The following TBL1X variants were observed in gnomAD, a reference collection of about 807,000 sequenced individuals.
TBL1X encodes F-box-like/WD repeat-containing protein TBL1X.
Under a neutral mutation model 50.7 loss-of-function variants are expected in TBL1X, and 10 were observed. That is an observed-to-expected ratio of 0.20 (90% CI 0.12 to 0.33). TBL1X has a LOEUF of 0.33. Ranked by LOEUF, TBL1X falls within the 10% of genes least tolerant of loss-of-function variation. TBL1X has a pLI of 1.00. For synonymous variants in TBL1X, 190 were observed against 214.7 expected (o/e 0.88, Z 1.01); for missense variants, 340 against 504.4 (o/e 0.67, Z 3.12).
At chrX:9,588,800 AC>A (rs995879919) in intron 2 of TBL1X, among the ~76,000 whole-genome samples, 2 of 110,174 alleles carry the variant, frequency 1.8e-5, no homozygotes, top group African/African-American at 3.3e-5. Flanking sequence ...ACTGGGTTTT[AC>A]CATGTTGGCC....
intron 2 of TBL1X, among the ~76,000 whole-genome samples, chrX:9,553,675 G>A (rs1264558160): frequency 1.8e-5 from 2 of 111,804 alleles, no homozygotes; most frequent in African/African-American, 6.5e-5. Context: ...TTTGTTAGCT[G>A]TTTATTATTT....
intron 1 of TBL1X, among the ~76,000 whole-genome samples, chrX:9,500,646 T>C (rs1016763374): frequency 4.5e-5 from 5 of 111,484 alleles, no homozygotes; most frequent in African/African-American, 1.6e-4. Context: ...CCTACCCAAT[T>C]GTGGTGGGTG....
intron 13 of TBL1X, among the ~76,000 whole-genome samples, chrX:9,708,750 C>T (rs1360107394): frequency 1.9e-5 from 2 of 107,306 alleles, no homozygotes; most frequent in African/African-American, 3.4e-5. Flanking sequence ...TGCCTGTAGT[C>T]CCAGCTACTT....
chrX:9,538,980 C>T (rs906308031), intron 2 of TBL1X, among the ~76,000 whole-genome samples: 1 of 112,462 alleles, frequency 8.9e-6, no homozygotes, highest in African/African-American at 3.2e-5. Flanking sequence ...CTGCTGGGAA[C>T]GTGGCACTCA....
chrX:9,591,223 A>G (rs2285575), intron 2 of TBL1X, among the ~76,000 whole-genome samples: 57,371 of 110,200 alleles, frequency 0.52, 11,752 homozygotes, highest in African/African-American at 0.77. Flanking sequence ...CCAGAGGATG[A>G]AGTATCATTC....
Position 9,654,251 on chromosome X carries a change from G to A in TBL1X, c.140G>A (p.Arg47Gln). 1 of 1,210,681 alleles carries A rather than the reference G, an allele frequency of 8.3e-7. No individual in the cohort carries two copies. The highest frequency in any genetic ancestry group is 3.0e-5 in the East Asian group (1 of 33,815). The change falls in exon 5 of 18, where the codon CGA becomes CAA. Residue 47 changes from arginine to glutamine, a missense_variant. Transcript: ENST00000645353. ...CACTTCATCAACACCTCATCGCCGC[G>A]AGGTGAGGCTAAGATGAGCATAACC... Reference protein sequence around the residue: ...GSHFINTSSPRGEAKMSITSD... With the variant: ...GSHFINTSSPQGEAKMSITSD...
At chrX:9,493,944 T>C (rs1252425735) in intron 1 of TBL1X, among the ~76,000 whole-genome samples, 1 of 111,642 alleles carries the variant, frequency 9.0e-6, no homozygotes, top group African/African-American at 3.3e-5. Flanking sequence ...CAGGAAAATA[T>C]AGGAATTGTC....
At chrX:9,617,499 GTTAA>G (rs1303299298) in intron 2 of TBL1X, among the ~76,000 whole-genome samples, 3 of 112,378 alleles carry the variant, frequency 2.7e-5, no homozygotes, top group Admixed American at 1.9e-4. Flanking sequence ...TACTGCACCT[GTTAA>G]TTAATATAAC....
Position 9,654,209 on chromosome X carries a change from G to A in TBL1X, c.104-6G>A. The stretch of plus-strand genomic sequence containing the variant: ...TGTTTCAAAACTCTCTTCTCTTTTT[G>A]AACAGAGGGTGGTTCCCACTTCATC... On this transcript the variant is annotated splice_polypyrimidine_tract_variant and splice_region_variant and intron_variant, in intron 4 of 17. Transcript: ENST00000645353. The A allele has an allele frequency of 8.3e-7, 1 of 1,200,515 alleles. No homozygotes were observed. Among genetic ancestry groups the A allele is most frequent in the Non-Finnish European group, 1.1e-6 (1 of 889,812 alleles).
intron 1 of TBL1X, among the ~76,000 whole-genome samples, chrX:9,496,478 G>A (rs920425371): frequency 5.3e-5 from 6 of 112,720 alleles, no homozygotes; most frequent in Admixed American, 2.8e-4. Flanking sequence ...CCAAACTTTT[G>A]ACTTCAGTTG....
At chrX:9,524,258 G>C (rs2082121744) in intron 2 of TBL1X, among the ~76,000 whole-genome samples, 1 of 112,034 alleles carries the variant, frequency 8.9e-6, no homozygotes, top group South Asian at 3.7e-4. Context: ...GTGAGCCAGT[G>C]TGCCCGGCCT....
At chrX:9,588,061 C>T (rs1281035351) in intron 2 of TBL1X, among the ~76,000 whole-genome samples, 2 of 111,577 alleles carry the variant, frequency 1.8e-5, no homozygotes, top group African/African-American at 3.3e-5. Context: ...TTCAACCAAC[C>T]GTGGATTGAA....
intron 11 of TBL1X, among the ~76,000 whole-genome samples, chrX:9,694,500 G>A (rs1019014251): frequency 1.1e-4 from 12 of 111,282 alleles, no homozygotes; most frequent in Admixed American, 6.7e-4. Flanking sequence ...AGACTGAGGC[G>A]CGAGAATCTC....
chrX:9,604,618 G>C (rs779579320), intron 2 of TBL1X, among the ~76,000 whole-genome samples: 2 of 111,392 alleles, frequency 1.8e-5, no homozygotes, highest in East Asian at 5.7e-4. Context: ...CTGAGAGCCT[G>C]CTGTTGGCCA....
At chrX:9,513,044 C>T (rs951855095) in intron 2 of TBL1X, among the ~76,000 whole-genome samples, 2 of 110,807 alleles carry the variant, frequency 1.8e-5, no homozygotes, top group African/African-American at 6.6e-5. Flanking sequence ...AGAACCAAGC[C>T]TTGGGACTGT....
At chrX:9,582,633 G>C (rs890435489) in intron 2 of TBL1X, among the ~76,000 whole-genome samples, 1 of 112,349 alleles carries the variant, frequency 8.9e-6, no homozygotes, top group African/African-American at 3.2e-5. Context: ...CTATGCAGTG[G>C]CAGCTTTAAT....
At chrX:9,679,973 T>TCA (rs2083016021) in intron 5 of TBL1X, among the ~76,000 whole-genome samples, 1 of 111,951 alleles carries the variant, frequency 8.9e-6, no homozygotes, top group African/African-American at 3.2e-5. Flanking sequence ...AGTGTATTGC[T>TCA]CACAGTCCTG....
intron 2 of TBL1X, among the ~76,000 whole-genome samples, chrX:9,544,952 T>C (rs2082234252): frequency 9.2e-6 from 1 of 108,861 alleles, no homozygotes; most frequent in African/African-American, 3.4e-5. Context: ...TGTGAGGCAG[T>C]GGAATAACTT....
At chrX:9,609,167 A>G (rs1235681655) in intron 2 of TBL1X, among the ~76,000 whole-genome samples, 1 of 112,107 alleles carries the variant, frequency 8.9e-6, no homozygotes, top group Non-Finnish European at 1.9e-5. Context: ...CGGAGGAAGT[A>G]TTAGTAATTA....
Sources: gnomAD v4.1 joint callset for allele counts (sites outside exome capture counted in the v4.1 genomes callset) on GRCh38, gnomAD v4.1.1 for gene constraint, MANE v1.5 for transcripts, NCBI Gene and HGNC (gene_info 2026-07-23, HGNC 2026-07-21) for gene names.